Variants in CTNNA3 observed in about 807,000 individuals in gnomAD.
The protein encoded by CTNNA3 is catenin alpha 3, also known as catenin alpha-3.
Under a neutral mutation model 95.7 loss-of-function variants are expected in CTNNA3, and 76 were observed. That is an observed-to-expected ratio of 0.79 (90% CI 0.66 to 0.96). The LOEUF (loss-of-function observed/expected upper bound fraction) is 0.96, where lower values mean the gene tolerates loss of function less well. Among genes scored for constraint, CTNNA3 ranks in the 40% least tolerant of loss-of-function variants. The pLI is 0.00. For synonymous variants in CTNNA3, 431 were observed against 374.4 expected, an observed-to-expected ratio of 1.15 and a Z score of -1.74; for missense variants, 1,191 against 1,089.8, an observed-to-expected ratio of 1.09 and a Z score of -1.31.
Position 67,762,372 on chromosome 10 carries a change from C to T in CTNNA3, c.-2+1062G>A, listed in dbSNP as rs1175601861. Among the ~76,000 whole-genome samples the T allele has an allele frequency of 5.4e-5, 8 of 148,314 alleles. 1 individual carries two copies. Among genetic ancestry groups the T allele is most frequent in the African/African-American group, 1.3e-4 (5 of 39,662 alleles). ...CATTTTCCCCATTGTCTTGCTTTCC[C>T]CTCCCCCCCCCAAAAAAAAAAAAGC... On this transcript the variant is annotated intron_variant, in intron 1 of 17. Transcript: ENST00000684154.
intron 12 of CTNNA3, among the ~76,000 whole-genome samples, chr10:66,307,298 G>A (rs2091948092): frequency 6.6e-6 from 1 of 152,044 alleles, no homozygotes; most frequent in South Asian, 2.1e-4. Context: ...AAATTATTAA[G>A]AACTAAAAAT....
At chr10:67,012,137 G>A (rs1852377467) in intron 7 of CTNNA3, among the ~76,000 whole-genome samples, 1 of 152,188 alleles carries the variant, frequency 6.6e-6, no homozygotes, top group Non-Finnish European at 1.5e-5. Context: ...CTTATCCACT[G>A]TGCAGTGCAC....
chr10:67,469,833 T>C (rs894407263), intron 5 of CTNNA3, among the ~76,000 whole-genome samples: 22 of 152,196 alleles, frequency 1.4e-4, no homozygotes, highest in Admixed American at 2.0e-4. Context: ...TAGGTGTATA[T>C]ATTTATGGGG....
chr10:66,661,906 T>C (rs1054459024), intron 9 of CTNNA3, among the ~76,000 whole-genome samples: 2 of 152,156 alleles, frequency 1.3e-5, no homozygotes, highest in Non-Finnish European at 2.9e-5. Context: ...CGAATCAACG[T>C]ATGGTGGAAT....
intron 11 of CTNNA3, among the ~76,000 whole-genome samples, chr10:66,485,402 A>G (rs989486067): frequency 6.6e-6 from 1 of 152,144 alleles, no homozygotes; most frequent in African/African-American, 2.4e-5. Context: ...AAGTTACAGG[A>G]TACAAAATCA....
intron 3 of CTNNA3, among the ~76,000 whole-genome samples, chr10:67,587,938 T>C (rs552329071): frequency 6.6e-6 from 1 of 152,292 alleles, no homozygotes; most frequent in South Asian, 2.1e-4. Context: ...CTGGATTATT[T>C]TTAAAGATTT....
At chr10:67,514,360 T>C (rs1839740872) in intron 5 of CTNNA3, among the ~76,000 whole-genome samples, 2 of 152,160 alleles carry the variant, frequency 1.3e-5, no homozygotes, top group South Asian at 4.1e-4. Flanking sequence ...ATTCTTTACT[T>C]GGTTTAAGGT....
chr10:66,205,221 C>A (rs1362026955), intron 13 of CTNNA3, among the ~76,000 whole-genome samples: 2 of 151,904 alleles, frequency 1.3e-5, no homozygotes, highest in Admixed American at 6.6e-5. Flanking sequence ...TATTTAAATT[C>A]TTCCATAGTT....
At position 66,281,543 on chromosome 10, in the gene CTNNA3, A is replaced by G. The variant is rs566183313; in HGVS notation, c.1733-922T>C. Among the ~76,000 whole-genome samples the G allele has an allele frequency of 5.3e-5, 8 of 151,930 alleles. No homozygotes were observed. In the East Asian group the frequency reaches 1.6e-3, roughly 29 times the overall value. On this transcript the variant is annotated intron_variant, in intron 12 of 17. Coordinates refer to ENST00000433211, the MANE Select transcript of CTNNA3 (RefSeq NM_013266.4). ...AGAGTCCCAAAATGCAGTTTTTGGG[A>G]CTTTACACTTTACACTCAAACTAAT...
chr10:67,144,909 C>T (rs1401239002), intron 7 of CTNNA3, among the ~76,000 whole-genome samples: 1 of 152,186 alleles, frequency 6.6e-6, no homozygotes, highest in Non-Finnish European at 1.5e-5. Context: ...AAGCTTTCAA[C>T]ATGCCTTCCT....
chr10:66,336,983 T>A, intron 12 of CTNNA3, among the ~76,000 whole-genome samples: 1 of 152,108 alleles, frequency 6.6e-6, no homozygotes, highest in Non-Finnish European at 1.5e-5. Context: ...TATAACAGAT[T>A]GACTGCAGAA....
intron 17 of CTNNA3, among the ~76,000 whole-genome samples, chr10:65,961,397 T>G (rs1285558500): frequency 6.6e-6 from 1 of 152,182 alleles, no homozygotes; most frequent in Non-Finnish European, 1.5e-5. Context: ...AAACCCAATG[T>G]GTACTTTTAA....
intron 12 of CTNNA3, among the ~76,000 whole-genome samples, chr10:66,346,246 T>TATATATATATAGAG (rs1416945569): frequency 3.6e-5 from 1 of 27,784 alleles, no homozygotes; most frequent in South Asian, 1.4e-3. Context: ...TATATATATA[T>TATATATATATAGAG]AGAGAGAGAG....
intron 7 of CTNNA3, among the ~76,000 whole-genome samples, chr10:66,950,072 T>C (rs974946038): frequency 1.3e-4 from 20 of 152,196 alleles, no homozygotes; most frequent in African/African-American, 4.8e-4. Context: ...AACCATGATT[T>C]ACCACTCTTT....
intron 7 of CTNNA3, among the ~76,000 whole-genome samples, chr10:66,870,094 G>A (rs779672444): frequency 1.4e-4 from 21 of 151,974 alleles, no homozygotes; most frequent in East Asian, 7.7e-4. Flanking sequence ...AGGAAACATC[G>A]TACCACCCAG....
At chr10:67,224,548 A>T (rs1272352062) in intron 5 of CTNNA3, among the ~76,000 whole-genome samples, 1 of 152,226 alleles carries the variant, frequency 6.6e-6, no homozygotes, top group African/African-American at 2.4e-5. Context: ...GAGTGCCCCA[A>T]CTGCGGAAGT....
At chr10:67,158,081 T>C (rs888718198) in intron 7 of CTNNA3, among the ~76,000 whole-genome samples, 1 of 151,862 alleles carries the variant, frequency 6.6e-6, no homozygotes, top group Non-Finnish European at 1.5e-5. Flanking sequence ...TTATACTGAA[T>C]ATGTAGACAT....
chr10:66,200,247 G>A (rs1332189393), intron 13 of CTNNA3, among the ~76,000 whole-genome samples: 1 of 151,110 alleles, frequency 6.6e-6, no homozygotes, highest in Admixed American at 6.6e-5. Context: ...AGGGAGGGGA[G>A]GGGAGGAGAG....
At chr10:66,608,283 C>T (rs538385629) in intron 10 of CTNNA3, among the ~76,000 whole-genome samples, 15 of 152,002 alleles carry the variant, frequency 9.9e-5, no homozygotes, top group Admixed American at 3.3e-4. Context: ...AAACACTGCT[C>T]AAAGAAATCA....
Sources: allele counts gnomAD v4.1 joint callset (sites outside exome capture counted in the v4.1 genomes callset), GRCh38; gene constraint gnomAD v4.1.1; transcripts MANE v1.5; gene names NCBI Gene and HGNC (gene_info 2026-07-23, HGNC 2026-07-21).